FOXK2: variants seen among roughly 807,000 people sequenced by gnomAD.
FOXK2 encodes the protein forkhead box protein K2.
Under a neutral mutation model 53.3 loss-of-function variants are expected in FOXK2, and 24 were observed. That is an observed-to-expected ratio of 0.45 (90% CI 0.33 to 0.63). The LOEUF is 0.63. Ranked by LOEUF, FOXK2 falls within the 30% of genes least tolerant of loss-of-function variation. The probability of loss-of-function intolerance (pLI) is 0.03; values close to 1 mark genes in which losing one functional copy is unlikely to be tolerated. For missense variants in FOXK2, 952 were observed against 910.5 expected, an observed-to-expected ratio of 1.05 and a Z score of -0.59; for synonymous variants, 505 against 407.1, an observed-to-expected ratio of 1.24 and a Z score of -2.89.
At chr17:82,571,583 A>G (rs2143037886) in intron 3 of FOXK2, 141 bp from the exon 4 acceptor site, 1 of 865,750 alleles carries the variant, frequency 1.2e-6, no homozygotes, top group Admixed American at 4.0e-5. Flanking sequence ...CCTGGGCGAC[A>G]CAGCGAGACT....
chr17:82,576,428 G>A (rs1473839662), intron 4 of FOXK2, among the ~76,000 whole-genome samples: 1 of 152,236 alleles, frequency 6.6e-6, no homozygotes. Context: ...ACAAGAAGGT[G>A]TTTCAGGAGA....
intron 8 of FOXK2, chr17:82,596,229 T>C: frequency 5.1e-6 from 5 of 986,984 alleles, no homozygotes; most frequent in Non-Finnish European, 6.0e-6. Flanking sequence ...CTGAGTCCCT[T>C]CTTCTTTTTC....
At chr17:82,531,625 T>C (rs149687057) in intron 1 of FOXK2, among the ~76,000 whole-genome samples, 1 of 152,290 alleles carries the variant, frequency 6.6e-6, no homozygotes, top group South Asian at 2.1e-4. Context: ...CTGTATTGAA[T>C]GCTGTAACAT....
chr17:82,573,730 T>G (rs2143049485), intron 4 of FOXK2, among the ~76,000 whole-genome samples: 1 of 152,346 alleles, frequency 6.6e-6, no homozygotes, highest in Non-Finnish European at 1.5e-5. Flanking sequence ...TACAGCTTAT[T>G]CTGATGGTTT....
Position 82,532,462 on chromosome 17 carries a change from G to A in FOXK2, c.419+12155G>A, listed in dbSNP as rs145590866. The stretch of plus-strand genomic sequence containing the variant: ...CCTGGCCTAAATGTATTTAAAAAGA[G>A]TTTTCTTGTCAGGTAAAAGAAAAAA... On this transcript the variant is annotated intron_variant, in intron 1 of 8. Transcript: ENST00000335255. 7.1e-3 allele frequency among the ~76,000 whole-genome samples: 1,073 copies of A among 151,662 alleles called. 7 individuals are homozygous for A. The highest frequency in any genetic ancestry group is 0.027 in the Middle Eastern group (8 of 294).
intron 8 of FOXK2, chr17:82,599,337 C>G (rs1030489830): frequency 2.6e-5 from 4 of 152,164 alleles, no homozygotes; most frequent in Non-Finnish European, 4.4e-5. Context: ...AACTCGTAAC[C>G]TCAGGTGATC....
At chr17:82,587,033 T>C (rs765406602) in intron 7 of FOXK2, 30 bp from the exon 8 acceptor site, 2 of 1,601,406 alleles carry the variant, frequency 1.2e-6, no homozygotes, top group African/African-American at 2.7e-5. Context: ...TCCAGTAATA[T>C]TAATGTCGTT....
intron 1 of FOXK2, among the ~76,000 whole-genome samples, chr17:82,545,208 T>G (rs1271849108): frequency 6.6e-6 from 1 of 152,204 alleles, no homozygotes; most frequent in Non-Finnish European, 1.5e-5. Flanking sequence ...CGGTCTGTTC[T>G]AGTGAAGACG....
intron 1 of FOXK2, among the ~76,000 whole-genome samples, chr17:82,539,987 A>G (rs984341750): frequency 5.6e-5 from 8 of 143,262 alleles, no homozygotes; most frequent in African/African-American, 2.1e-4. Context: ...AATATCGATA[A>G]TTGAAAGAGC....
intron 8 of FOXK2, among the ~76,000 whole-genome samples, chr17:82,592,824 C>T (rs1468781086): frequency 1.3e-5 from 2 of 152,172 alleles, no homozygotes; most frequent in Non-Finnish European, 2.9e-5. Context: ...CAGAGGGAGA[C>T]CCTGTGAAGG....
intron 1 of FOXK2, among the ~76,000 whole-genome samples, chr17:82,556,805 TTCAGCC>T (rs1259420646): frequency 1.7e-4 from 26 of 152,044 alleles, no homozygotes; most frequent in Non-Finnish European, 3.7e-4. Flanking sequence ...CAAGCGATTC[TTCAGCC>T]TCAGCCTCAG....
chr17:82,597,916 C>T (rs546475672), intron 8 of FOXK2, among the ~76,000 whole-genome samples: 2 of 152,280 alleles, frequency 1.3e-5, no homozygotes, highest in Non-Finnish European at 2.9e-5. Flanking sequence ...TCCCCAAGTG[C>T]TGGGATTACA....
intron 1 of FOXK2, among the ~76,000 whole-genome samples, chr17:82,547,505 A>G (rs2044637717): frequency 6.6e-6 from 1 of 152,164 alleles, no homozygotes; most frequent in African/African-American, 2.4e-5. Context: ...AAGAAAAATA[A>G]TACTTCTGGT....
At chr17:82,578,655 ATCTT>A (rs1408578956) in intron 4 of FOXK2, 1 of 152,176 alleles carries the variant, frequency 6.6e-6, no homozygotes, top group African/African-American at 2.4e-5. Flanking sequence ...ATCACAAGTA[ATCTT>A]TCTTCATTTG....
chr17:82,569,958 A>G (rs1438121925), intron 3 of FOXK2, among the ~76,000 whole-genome samples: 2 of 148,688 alleles, frequency 1.3e-5, no homozygotes, highest in Non-Finnish European at 3.0e-5. Flanking sequence ...GCAGTGGCTC[A>G]CGCCTGTAAT....
chr17:82,546,804 C>T (rs181953221), intron 1 of FOXK2, among the ~76,000 whole-genome samples: 5 of 152,052 alleles, frequency 3.3e-5, no homozygotes, highest in East Asian at 3.9e-4. Flanking sequence ...AGGCCGGGTG[C>T]GGTGGCTCAC....
chr17:82,597,019 G>T (rs555779050), intron 8 of FOXK2, among the ~76,000 whole-genome samples: 1 of 152,202 alleles, frequency 6.6e-6, no homozygotes, highest in Non-Finnish European at 1.5e-5. Flanking sequence ...GCCGGTGAGG[G>T]GCAGGGGCTG....
intron 1 of FOXK2, among the ~76,000 whole-genome samples, chr17:82,542,412 G>A (rs188863946): frequency 1.3e-5 from 2 of 151,996 alleles, no homozygotes; most frequent in African/African-American, 4.8e-5. Flanking sequence ...TGATCCGCCC[G>A]TCTCTGGCCT....
At position 82,582,884 on chromosome 17, in the gene FOXK2, G is replaced by T; in HGVS notation, c.1053G>T (p.Arg351=). ...TAGAACAGGCTTTTAGGAAACGACG[G>T]CCTAGGGGCGTGCCCTGCTTTAGAA... The part of the protein sequence containing the change: ...KLIEQAFRKR[R]PRGVPCFRTP... Residue 351 remains arginine (R), a synonymous_variant, in exon 5 of 9, where the codon CGG becomes CGT. Coordinates refer to ENST00000335255, the MANE Select transcript of FOXK2 (RefSeq NM_004514.4). 1 of 1,612,498 alleles carries T rather than the reference G, an allele frequency of 6.2e-7. No individual in the cohort carries two copies. Among genetic ancestry groups the T allele is most frequent in the South Asian group, 1.1e-5 (1 of 90,694 alleles).
Sources: gnomAD v4.1 joint callset for allele counts (sites outside exome capture counted in the v4.1 genomes callset) on GRCh38, gnomAD v4.1.1 for gene constraint, MANE v1.5 for transcripts, NCBI Gene and HGNC (gene_info 2026-07-23, HGNC 2026-07-21) for gene names.